The following LYSMD4 variants were observed in gnomAD, a reference collection of about 807,000 sequenced individuals.
LYSMD4 encodes the protein LysM domain containing 4.
LYSMD4 carries 9 observed loss-of-function variants against 6.1 expected under a neutral mutation model. The ratio of observed to expected loss-of-function variants is 1.47; its 90% confidence interval spans 0.88 to 2.56. The LOEUF is 2.56. Ranked by LOEUF, LYSMD4 falls within the 30% of genes most tolerant of loss-of-function variation. LYSMD4 has a pLI of 0.00. For synonymous variants in LYSMD4, 143 were observed against 148.5 expected (o/e 0.96, Z 0.27); for missense variants, 384 against 373.5 (o/e 1.03, Z -0.23).
upstream of LYSMD4, among the ~76,000 whole-genome samples, chr15:99,719,501 T>G (rs2059222318): frequency 6.6e-6 from 1 of 152,228 alleles, no homozygotes. Context: ...GTTTCTGGTT[T>G]AAGCCTTCCT....
downstream of LYSMD4, among the ~76,000 whole-genome samples, chr15:99,725,158 C>T (rs1416127261): frequency 2.0e-5 from 3 of 152,100 alleles, no homozygotes; most frequent in Non-Finnish European, 4.4e-5. Context: ...TACTCAAAGG[C>T]AAGGTGTTGG....
In LYSMD4 at chr15:99,729,479, G is replaced by T; in HGVS notation, c.535C>A (p.Arg179Ser). 1 of 1,614,098 alleles carries T rather than the reference G, an allele frequency of 6.2e-7. No homozygotes were observed. The highest frequency in any genetic ancestry group is 1.1e-5 in the South Asian group (1 of 91,080). ...AGAAAGATTTCTGACTGCACTGCAC[G>T]CTCAATATCCTGGTCAATCCCCTTA... ...FFKGIDQDIE[R>S]AVQSEIFLHE... Residue 179 changes from arginine (R) to serine (S), a missense_variant, in exon 3 of 3, where the codon CGT becomes AGT. By Grantham distance (110) the Arg-to-Ser change is moderately radical. Transcript: ENST00000684762.
chr15:99,718,028 T>C (rs1383393758), upstream of LYSMD4, among the ~76,000 whole-genome samples: 3 of 152,330 alleles, frequency 2.0e-5, no homozygotes, highest in South Asian at 6.2e-4. Context: ...AACCCAGAAA[T>C]TAATATTGAC....
At chr15:99,719,920 A>G (rs2059225326), upstream of LYSMD4, among the ~76,000 whole-genome samples, 1 of 152,164 alleles carries the variant, frequency 6.6e-6, no homozygotes, top group Non-Finnish European at 1.5e-5. Flanking sequence ...TTTCTCTATT[A>G]TGAGTGAGAT....
At chr15:99,720,821 C>A (rs1444244595), upstream of LYSMD4, 1 of 152,200 alleles carries the variant, frequency 6.6e-6, no homozygotes, top group Admixed American at 6.5e-5. Context: ...CCTCCAGGCA[C>A]TGTCGAGGGA....
chr15:99,724,920 TG>T (rs1181095393), downstream of LYSMD4, among the ~76,000 whole-genome samples: 22 of 152,186 alleles, frequency 1.4e-4, no homozygotes, highest in Admixed American at 1.4e-3. Context: ...GGGGTGTGAC[TG>T]GCGGTGCAGG....
upstream of LYSMD4, among the ~76,000 whole-genome samples, chr15:99,719,605 A>G (rs2059222999): frequency 6.6e-6 from 1 of 152,148 alleles, no homozygotes; most frequent in Non-Finnish European, 1.5e-5. Context: ...GTTTTCATCC[A>G]TGGTGTGGAT....
chr15:99,731,730 C>G lies in LYSMD4; in HGVS notation c.270G>C (p.Gln90His), dbSNP rs1365996199. Reference protein sequence around the residue: ...QEDSLNKLALQYGCKVADIKK... With the variant: ...QEDSLNKLALHYGCKVADIKK... ...AGGGGTGTCTTACTTTGCAGCCATA[C>G]TGCAGCGCCAGCTTGTTGAGGCTGT... Residue 90 changes from glutamine (Q) to histidine (H), a missense_variant, in exon 2 of 3, where the codon CAG (glutamine) becomes CAC (histidine). Transcript: ENST00000684762. 6.3e-7 allele frequency: 1 copy of G among 1,598,260 alleles called. No individual in the cohort carries two copies. The highest frequency in any genetic ancestry group is 2.2e-5 in the East Asian group (1 of 44,720).
chr15:99,731,690 G>C (rs375941156), intron 2 of LYSMD4, 28 bp downstream of exon 2: 182 of 1,549,414 alleles, frequency 1.2e-4, no homozygotes, highest in Non-Finnish European at 3.7e-5. Flanking sequence ...GAAACGGAGC[G>C]GGGCAGGGCC....
At chr15:99,725,445 G>A (rs763156700), downstream of LYSMD4, among the ~76,000 whole-genome samples, 7 of 152,082 alleles carry the variant, frequency 4.6e-5, no homozygotes, top group African/African-American at 9.7e-5. Context: ...CGGCCTCCAC[G>A]ATCGCGATGG....
chr15:99,724,556 C>T (rs142065568), downstream of LYSMD4, among the ~76,000 whole-genome samples: 133 of 152,310 alleles, frequency 8.7e-4, 1 homozygote, highest in African/African-American at 2.9e-3. Flanking sequence ...TGAGCCACTG[C>T]GCCCAGCCCT....
downstream of LYSMD4, among the ~76,000 whole-genome samples, chr15:99,724,950 C>A (rs2141102372): frequency 6.6e-6 from 1 of 152,298 alleles, no homozygotes; most frequent in East Asian, 1.9e-4. Flanking sequence ...GGCTGCCCTT[C>A]CTCACAGCAG....
downstream of LYSMD4, among the ~76,000 whole-genome samples, chr15:99,726,151 T>TTG (rs2059279132): frequency 7.6e-6 from 1 of 131,354 alleles, no homozygotes; most frequent in South Asian, 2.8e-4. Flanking sequence ...AAGTGGTTTT[T>TTG]TTTTTTTTTT....
At chr15:99,717,661 G>A (rs556604591) in exon 1 of LYSMD4, 3 of 152,334 alleles carry the variant, frequency 2.0e-5, no homozygotes, top group Non-Finnish European at 2.9e-5. Context: ...GCACATAGCT[G>A]GGGTGTAAAG....
chr15:99,715,887 T>C (rs28377673), exon 1 of LYSMD4: 6,786 of 152,462 alleles, frequency 0.045, 504 homozygotes, highest in African/African-American at 0.15. Flanking sequence ...AGCCCAATTA[T>C]GTCCATTTTG....
chr15:99,730,995 G>A (rs892555816), intron 2 of LYSMD4, among the ~76,000 whole-genome samples: 3 of 152,176 alleles, frequency 2.0e-5, no homozygotes, highest in African/African-American at 7.2e-5. Flanking sequence ...CACACAACAT[G>A]TTTCAGACAT....
chr15:99,716,962 CAG>C (rs2059190083), exon 1 of LYSMD4: 2 of 302,734 alleles, frequency 6.6e-6, no homozygotes, highest in South Asian at 3.0e-5. Context: ...CAGCAGAAGA[CAG>C]ATGTGCTGGC....
At position 99,729,576 on chromosome 15, in the gene LYSMD4, GGTC is replaced by G. The variant is rs1567553664; in HGVS notation, c.435_437del (p.Thr146del). The G allele has an allele frequency of 6.2e-7, 1 of 1,614,096 alleles. No homozygotes were observed. The highest frequency in any genetic ancestry group is 1.7e-5 in the Admixed American group (1 of 60,026). On this transcript the variant is annotated inframe_deletion, in exon 3 of 3. Coordinates refer to ENST00000684762, the MANE Select transcript of LYSMD4 (RefSeq NM_001284417.2). ...CTCTGTCTGCCTCTGGCAGTTCCAC[GGTC>G]ACTGTGGTCTCGGAAGACGGGCTCA... is the stretch of plus-strand genomic sequence containing the variant.
upstream of LYSMD4, chr15:99,720,689 C>T (rs970212167): frequency 6.6e-6 from 1 of 152,268 alleles, no homozygotes; most frequent in African/African-American, 2.4e-5. Flanking sequence ...TCTCCTTTCA[C>T]ACCTCCAAGA....
Sources: gnomAD v4.1 joint callset for allele counts (sites outside exome capture counted in the v4.1 genomes callset) on GRCh38, gnomAD v4.1.1 for gene constraint, MANE v1.5 for transcripts, NCBI Gene and HGNC (gene_info 2026-07-23, HGNC 2026-07-21) for gene names.